Variants in SLC6A9 observed in about 807,000 individuals in gnomAD.
SLC6A9 encodes the protein solute carrier family 6 member 9.
In SLC6A9, 31 loss-of-function variants were observed where a neutral mutation model predicts 70.9. That is an observed-to-expected ratio of 0.44 (90% CI 0.33 to 0.59). The LOEUF (loss-of-function observed/expected upper bound fraction) is 0.59, where lower values mean the gene tolerates loss of function less well. Ranked by LOEUF, SLC6A9 falls within the 20% of genes least tolerant of loss-of-function variation. The probability of loss-of-function intolerance (pLI) is 0.04; values close to 1 mark genes in which losing one functional copy is unlikely to be tolerated. For missense variants in SLC6A9, 631 were observed against 845.2 expected (o/e 0.75, Z 3.14); for synonymous variants, 310 against 341.3 (o/e 0.91, Z 1.01).
chr1:44,025,991 C>G (rs1004737591), intron 1 of SLC6A9, among the ~76,000 whole-genome samples: 2 of 152,236 alleles, frequency 1.3e-5, no homozygotes, highest in African/African-American at 4.8e-5. Context: ...CTCTGGAAGG[C>G]TGGAGGAGAG....
In SLC6A9 at chr1:44,002,936, G is replaced by A. The variant is rs1557672543; in HGVS notation, c.640C>T (p.Arg214Trp). Residue 214 changes from arginine (R) to tryptophan (W), a missense_variant, in exon 6 of 14, where the codon CGG becomes TGG. Transcript: ENST00000372310. The surrounding 1 kb of genome is among the most constrained non-coding windows in gnomAD (Gnocchi z 5.5). Reference protein sequence around the residue: ...SDDIGNFGEVRLPLLGCLGVS... With the variant: ...SDDIGNFGEVWLPLLGCLGVS... Reference sequence around the variant, plus strand: ...CCGAGGCAGCCAAGGAGGGGCAGCCGCACCTCCCCAAAGTTCCCAATGTCA... The same window carrying A: ...CCGAGGCAGCCAAGGAGGGGCAGCCACACCTCCCCAAAGTTCCCAATGTCA... 1.9e-6 allele frequency: 3 copies of A among 1,613,940 alleles called. No homozygotes were observed. Among genetic ancestry groups the A allele is most frequent in the Non-Finnish European group, 2.5e-6 (3 of 1,179,830 alleles).
At chr1:44,006,844 G>C (rs2086337395) in intron 5 of SLC6A9, among the ~76,000 whole-genome samples, 1 of 152,162 alleles carries the variant, frequency 6.6e-6, no homozygotes, top group South Asian at 2.1e-4. Context: ...CCAGAGGTTG[G>C]CACAGGGAAG....
intron 12 of SLC6A9, among the ~76,000 whole-genome samples, 175 bp from the exon 13 acceptor site, chr1:43,998,200 G>A (rs1454029119): frequency 6.6e-6 from 1 of 152,152 alleles, no homozygotes; most frequent in African/African-American, 2.4e-5. Context: ...AGGGCCGGGG[G>A]CCGGAGCGCG....
intron 1 of SLC6A9, among the ~76,000 whole-genome samples, chr1:44,026,205 G>A (rs560481588): frequency 3.7e-4 from 57 of 152,322 alleles, no homozygotes; most frequent in African/African-American, 1.3e-3. Context: ...GGGGAAGCGC[G>A]GGTGTGCTCC....
intron 8 of SLC6A9, among the ~76,000 whole-genome samples, chr1:44,001,886 C>T (rs1486245897): frequency 6.6e-6 from 1 of 152,172 alleles, no homozygotes; most frequent in Non-Finnish European, 1.5e-5. Context: ...TGCCACCACA[C>T]CCAGCTAATT....
At chr1:44,011,460 G>T in intron 2 of SLC6A9, 1 of 972,696 alleles carries the variant, frequency 1.0e-6, no homozygotes, top group Non-Finnish European at 1.6e-6. Context: ...GAGCAGCTGA[G>T]CCGGGACAGA....
chr1:44,003,015 C>T (rs754524524), intron 5 of SLC6A9, 30 bp from the exon 6 acceptor site: 1 of 1,612,496 alleles, frequency 6.2e-7, no homozygotes. Context: ...TCACTGAGGG[C>T]CAGCCGCCGC....
chr1:44,000,696 G>T (rs1428554383), intron 12 of SLC6A9, 71 bp downstream of exon 12: 3 of 1,022,770 alleles, frequency 2.9e-6, no homozygotes, highest in Non-Finnish European at 4.4e-6. Context: ...CTGTCCCTCC[G>T]CTGGGTCCCA....
intron 1 of SLC6A9, among the ~76,000 whole-genome samples, chr1:44,027,805 G>A (rs946764231): frequency 6.6e-6 from 1 of 152,082 alleles, no homozygotes; most frequent in Non-Finnish European, 1.5e-5. Flanking sequence ...GTGAAGGCCC[G>A]TCTCTACTAA....
In SLC6A9 at chr1:44,008,582, T is replaced by C. The variant is rs753932866; in HGVS notation, c.361A>G (p.Ile121Val). The C allele has an allele frequency of 9.3e-6, 15 of 1,613,786 alleles. No homozygotes were observed. Among genetic ancestry groups the C allele is most frequent in the Non-Finnish European group, 1.2e-5 (14 of 1,180,010 alleles). The change falls in exon 5 of 14, where the codon ATC becomes GTC. Residue 121 changes from isoleucine to valine, a missense_variant. Coordinates refer to ENST00000372310, the MANE Select transcript of SLC6A9 (RefSeq NM_001024845.3). ...ATGCAGATGACCACATTGTAGTAGA[T>C]GCCGATGTAGGTGGACACCACCATC... ...GMMVVSTYIG[I>V]YYNVVICIAF... is the part of the protein sequence containing the mutation.
At chr1:44,019,538 C>T (rs1027339334) in intron 2 of SLC6A9, among the ~76,000 whole-genome samples, 5 of 152,282 alleles carry the variant, frequency 3.3e-5, no homozygotes, top group African/African-American at 1.2e-4. Flanking sequence ...ACCCATGATG[C>T]CCAAATGCTC....
At chr1:44,026,202 C>T (rs1336163372) in intron 1 of SLC6A9, among the ~76,000 whole-genome samples, 3 of 152,348 alleles carry the variant, frequency 2.0e-5, no homozygotes, top group Middle Eastern at 6.8e-3. Context: ...GTAGGGGAAG[C>T]GCGGGTGTGC....
intron 1 of SLC6A9, among the ~76,000 whole-genome samples, chr1:44,028,811 G>A (rs563557041): frequency 2.3e-5 from 3 of 130,810 alleles, no homozygotes; most frequent in African/African-American, 8.2e-5. Flanking sequence ...AAGGAAGGAA[G>A]GAAAGAAGGA....
rs2154303930 is a variant in SLC6A9, at chr1:43,997,219, C to T, written c.*326G>A. The T allele has an allele frequency of 3.3e-6, 1 of 302,856 alleles. No homozygotes were observed. Among genetic ancestry groups the T allele is most frequent in the Non-Finnish European group, 6.2e-6 (1 of 162,034 alleles). The allele number at this position is 302,856 out of a possible 1,614,324, so 18.8% of individuals were successfully genotyped here. ...TGGAGGCCCACCCAGAACCTCAGCT[C>T]AGGGCAGGGTATAAGGGTATCGGAG... On this transcript the variant is annotated 3_prime_UTR_variant, in exon 14 of 14. Transcript: ENST00000372310. The surrounding 1 kb of genome is among the most constrained non-coding windows in gnomAD (Gnocchi z 4.4).
intron 5 of SLC6A9, among the ~76,000 whole-genome samples, chr1:44,004,856 G>A (rs887686061): frequency 2.6e-5 from 4 of 152,178 alleles, no homozygotes; most frequent in Non-Finnish European, 4.4e-5. Context: ...GTGACCTCTT[G>A]ACACATGACA....
chr1:44,011,507 T>C, intron 2 of SLC6A9: 1 of 1,505,520 alleles, frequency 6.6e-7, no homozygotes, highest in East Asian at 2.3e-5. Flanking sequence ...GGTGGGAGGG[T>C]CCGGGGAGCT....
Position 44,021,178 on chromosome 1 carries a change from AC to A in SLC6A9, c.30+3069del, listed in dbSNP as rs549245319. Among the ~76,000 whole-genome samples the A allele has an allele frequency of 9.3e-4, 142 of 152,096 alleles. No individual in the cohort carries two copies. The East Asian group carries it at 0.017, about 18-fold the overall frequency. On this transcript the variant is annotated intron_variant, in intron 2 of 13. Transcript: ENST00000372310. ...TGAGACCTAGGTGGCCCTGCTCCGC[AC>A]GTGTATGAGGCCCTAGGTCTCCACG...
chr1:43,997,027 A>AATG lies in SLC6A9; in HGVS notation c.*515_*517dup, dbSNP rs1176560949. 6.4e-6 allele frequency: 1 copy of AATG among 156,394 alleles called. No individual in the cohort carries two copies. 9.7% of individuals were successfully genotyped at this position (156,394 alleles called of 1,614,324 possible). On this transcript the variant is annotated 3_prime_UTR_variant, in exon 14 of 14. Coordinates refer to ENST00000372310, the MANE Select transcript of SLC6A9 (RefSeq NM_001024845.3). This position sits in a 1 kb window ranked among gnomAD's most constrained non-coding sequence, Gnocchi z 4.4. Reference sequence around the variant, plus strand: ...AGGAGGTGGCGACCACAGAGAATACAATGTTTACAAAAATAATTACACAGA... The same window carrying AATG: ...AGGAGGTGGCGACCACAGAGAATACAATGATGTTTACAAAAATAATTACACAGA...
chr1:44,008,711 T>A, intron 4 of SLC6A9, 88 bp from the exon 5 acceptor site: 2 of 343,192 alleles, frequency 5.8e-6, no homozygotes, highest in African/African-American at 2.7e-5. Flanking sequence ...TTTTCTTTTC[T>A]TTTTTTTTTT....
Sources: gnomAD v4.1 joint callset for allele counts (sites outside exome capture counted in the v4.1 genomes callset) on GRCh38, gnomAD v4.1.1 for gene constraint, Gnocchi (gnomAD v3.1) non-coding constraint, MANE v1.5 for transcripts, NCBI Gene and HGNC (gene_info 2026-07-23, HGNC 2026-07-21) for gene names.